Variants in RNF38 observed in about 807,000 individuals in gnomAD.
RNF38 encodes the protein E3 ubiquitin-protein ligase RNF38.
Under a neutral mutation model 67.2 loss-of-function variants are expected in RNF38, and 15 were observed. That is an observed-to-expected ratio of 0.22 (90% CI 0.15 to 0.34). RNF38 has a LOEUF of 0.34. Ranked by LOEUF, RNF38 falls within the 10% of genes least tolerant of loss-of-function variation. The pLI is 1.00. For missense variants in RNF38, 524 were observed against 639.9 expected (o/e 0.82, Z 1.95); for synonymous variants, 220 against 218.8 (o/e 1.01, Z -0.05).
exon 1 of RNF38, chr9:36,487,369 G>A (rs1162787609): frequency 3.0e-6 from 3 of 983,952 alleles, no homozygotes; most frequent in Admixed American, 6.2e-5. Context: ...GAGGCCCGTG[G>A]CCCGGAGGGC....
At position 36,461,169 on chromosome 9, in the gene RNF38, T is replaced by TGCAC. The variant is rs1271735207; in HGVS notation, n.241+26135_241+26138dup. On this transcript the variant is annotated intron_variant and non_coding_transcript_variant, in intron 1 of 3. Transcript: ENST00000488058. ...GGCGGAGATTGCGGTGAGCCAAGGCTGCACCACTGCACTGCACTCCAGCCT... is the reference window on the plus strand; with the variant it reads ...GGCGGAGATTGCGGTGAGCCAAGGCTGCACGCACCACTGCACTGCACTCCAGCCT... Among the ~76,000 whole-genome samples, 3 of 151,156 alleles carry TGCAC rather than the reference T, an allele frequency of 2.0e-5. No individual in the cohort carries two copies. In the East Asian group the frequency reaches 6.0e-4, roughly 30 times the overall value.
Position 36,437,240 on chromosome 9 carries a change from A to G in RNF38, n.242-12557T>C, listed in dbSNP as rs146700781. Among the ~76,000 whole-genome samples, 758 of 152,346 alleles carry G rather than the reference A, an allele frequency of 5.0e-3. 3 individuals are homozygous for G. Among genetic ancestry groups the G allele is most frequent in the Non-Finnish European group, 5.9e-3 (399 of 68,034 alleles). On this transcript the variant is annotated intron_variant and non_coding_transcript_variant, in intron 1 of 3. Transcript: ENST00000488058. ...CCCCAACCAACATCAGACCAGTCAT[A>G]CAATGTATTTGGTTTTGTCTCAACA... is the stretch of plus-strand genomic sequence containing the variant.
intron 2 of RNF38, among the ~76,000 whole-genome samples, chr9:36,423,756 TG>T (rs1163970192): frequency 1.6e-4 from 5 of 32,188 alleles, no homozygotes; most frequent in Non-Finnish European, 2.6e-4. Context: ...GAGACCATCC[TG>T]GCTAACACGG....
intron 2 of RNF38, among the ~76,000 whole-genome samples, chr9:36,415,854 G>A (rs1838450500): frequency 1.3e-5 from 2 of 152,094 alleles, no homozygotes; most frequent in South Asian, 2.1e-4. Context: ...GATGTTACAG[G>A]CAGTGGAATT....
chr9:36,354,354 G>A (rs1419980732), intron 6 of RNF38, among the ~76,000 whole-genome samples: 1 of 152,120 alleles, frequency 6.6e-6, no homozygotes, highest in Non-Finnish European at 1.5e-5. Context: ...ACCACACCTG[G>A]CTACTTTTTT....
intron 1 of RNF38, among the ~76,000 whole-genome samples, chr9:36,438,953 A>C (rs1839133043): frequency 6.6e-6 from 1 of 152,176 alleles, no homozygotes; most frequent in South Asian, 2.1e-4. Flanking sequence ...TGCTAAACAC[A>C]CATTTATATT....
chr9:36,359,027 G>A (rs896672146), intron 4 of RNF38, among the ~76,000 whole-genome samples: 2 of 152,020 alleles, frequency 1.3e-5, no homozygotes, highest in African/African-American at 4.8e-5. Context: ...CCTGTCTTAT[G>A]GGGCTGAAGG....
intron 1 of RNF38, among the ~76,000 whole-genome samples, chr9:36,436,570 T>A (rs1378968003): frequency 6.6e-6 from 1 of 152,128 alleles, no homozygotes; most frequent in Non-Finnish European, 1.5e-5. Context: ...ACACCTGTAA[T>A]CCCAGCACTT....
intron 11 of RNF38, among the ~76,000 whole-genome samples, chr9:36,340,246 T>G (rs1313395242): frequency 6.6e-6 from 1 of 152,206 alleles, no homozygotes; most frequent in African/African-American, 2.4e-5. Context: ...CCCAAGGTGC[T>G]GGGATTACAG....
intron 10 of RNF38, 98 bp from the exon 11 acceptor site, chr9:36,342,522 C>T (rs903895283): frequency 2.3e-5 from 18 of 769,092 alleles, no homozygotes; most frequent in Admixed American, 9.3e-5. Context: ...GTTATCAAAA[C>T]GTCACTTAAA....
chr9:36,439,843 CT>C (rs1193702308), intron 1 of RNF38, among the ~76,000 whole-genome samples: 1 of 150,442 alleles, frequency 6.6e-6, no homozygotes, highest in Non-Finnish European at 1.5e-5. Flanking sequence ...CAGTACCAAT[CT>C]CCTTTCTCCA....
At position 36,364,119 on chromosome 9, in the gene RNF38, C is replaced by T. The variant is rs116753643; in HGVS notation, c.570+5600G>A. ...TGCTAGGATTACAGGCATGAGCCAC[C>T]GTGCCCTGCCCACATTTCAATAAAA... is the stretch of plus-strand genomic sequence containing the variant. On this transcript the variant is annotated intron_variant, in intron 4 of 11. Coordinates refer to ENST00000259605, the MANE Select transcript of RNF38 (RefSeq NM_022781.5). Among the ~76,000 whole-genome samples, 882 of 150,920 alleles carry T rather than the reference C, an allele frequency of 5.8e-3. 11 individuals carry two copies. The highest frequency in any genetic ancestry group is 0.02 in the African/African-American group (839 of 41,120).
In RNF38 at chr9:36,353,212, G is replaced by C. The variant is rs922309497; in HGVS notation, c.1029C>G (p.Phe343Leu). The change falls in exon 7 of 12, where the codon TTC (phenylalanine) becomes TTG (leucine). Residue 343 changes from phenylalanine (F) to leucine (L), a missense_variant. Physicochemically the swap from Phe to Leu is conservative, Grantham distance 22. Transcript: ENST00000259605. ...PTLPPSAPLQ[F>L]LTHDPLHQEV... ...CCTGATGCAAAGGATCATGTGTTAAGAACTGCAAGGGAGCTGATGGAGGTA... is the reference window on the plus strand; with the variant it reads ...CCTGATGCAAAGGATCATGTGTTAACAACTGCAAGGGAGCTGATGGAGGTA... 6 of 1,614,060 alleles carry C rather than the reference G, an allele frequency of 3.7e-6. No individual in the cohort carries two copies. The highest frequency in any genetic ancestry group is 1.7e-6 in the Non-Finnish European group (2 of 1,179,996).
chr9:36,393,104 G>C (rs569867449), intron 1 of RNF38, among the ~76,000 whole-genome samples: 1 of 152,232 alleles, frequency 6.6e-6, no homozygotes, highest in African/African-American at 2.4e-5. Context: ...GTTATCCTAA[G>C]GCCATCCTGC....
chr9:36,352,617 C>CT, intron 8 of RNF38, 125 bp downstream of exon 8: 1 of 766,310 alleles, frequency 1.3e-6, no homozygotes, highest in South Asian at 1.5e-5. Context: ...CCACCCCACC[C>CT]TTTAACATTA....
chr9:36,400,821 C>T (rs529090548), upstream of RNF38: 12 of 985,304 alleles, frequency 1.2e-5, no homozygotes, highest in South Asian at 4.2e-4. Flanking sequence ...TCCATCCTCT[C>T]CGCCCCCACG....
At chr9:36,344,758 T>TAATG (rs1470602991) in intron 10 of RNF38, 74 bp downstream of exon 10, 10 of 1,449,896 alleles carry the variant, frequency 6.9e-6, no homozygotes, top group Non-Finnish European at 9.5e-6. Context: ...ACTTTTACCT[T>TAATG]AATGACTCTT....
rs1832564789 is a variant in RNF38, at chr9:36,337,892, G to A, written c.*1860C>T. ...AAAACCCTACTTGTAGGACTAGATAGAGGCAACAATGTCTCGCAAAGGGCA... is the reference window on the plus strand; with the variant it reads ...AAAACCCTACTTGTAGGACTAGATAAAGGCAACAATGTCTCGCAAAGGGCA... On this transcript the variant is annotated 3_prime_UTR_variant, in exon 12 of 12. Transcript: ENST00000259605. The A allele has an allele frequency of 6.6e-6, 1 of 152,650 alleles. No homozygotes were observed. The highest frequency in any genetic ancestry group is 2.4e-5 in the African/African-American group (1 of 41,466). 9.5% of individuals were successfully genotyped at this position (152,650 alleles called of 1,614,324 possible).
chr9:36,400,965 C>A (rs2480461), upstream of RNF38: 5 of 984,002 alleles, frequency 5.1e-6, no homozygotes, highest in Non-Finnish European at 6.0e-6. Flanking sequence ...ACCCGGGCTC[C>A]CTATGCGCCG....
Sources: allele counts gnomAD v4.1 joint callset (sites outside exome capture counted in the v4.1 genomes callset), GRCh38; gene constraint gnomAD v4.1.1; transcripts MANE v1.5; gene names NCBI Gene and HGNC (gene_info 2026-07-23, HGNC 2026-07-21).